CD244: variants seen among roughly 807,000 people sequenced by gnomAD.
The protein encoded by CD244 is CD244 molecule.
Under a neutral mutation model 45.5 loss-of-function variants are expected in CD244, and 20 were observed. That is an observed-to-expected ratio of 0.44 (90% CI 0.31 to 0.64). CD244 has a LOEUF of 0.64. Among genes scored for constraint, CD244 ranks in the 30% least tolerant of loss-of-function variants. CD244 has a pLI of 0.08. For missense variants in CD244, 407 were observed against 426.9 expected (o/e 0.95, Z 0.41); for synonymous variants, 185 against 160.5 (o/e 1.15, Z -1.15).
intron 5 of CD244, among the ~76,000 whole-genome samples, chr1:160,836,860 G>A (rs1239984554): frequency 6.6e-6 from 1 of 152,160 alleles, no homozygotes; most frequent in Non-Finnish European, 1.5e-5. Context: ...GTTCTACTGG[G>A]AGCCAGTGGA....
chr1:160,847,962 G>A (rs938672186), intron 1 of CD244: 22 of 211,162 alleles, frequency 1.0e-4, no homozygotes, highest in Non-Finnish European at 1.7e-4. Context: ...GTATATACCT[G>A]GTGCTTTGGA....
At chr1:160,847,148 AGTAG>A (rs1669765724) in intron 1 of CD244, among the ~76,000 whole-genome samples, 2 of 152,142 alleles carry the variant, frequency 1.3e-5, no homozygotes, top group South Asian at 2.1e-4. Context: ...GAACCAATTA[AGTAG>A]GAATAAACAA....
chr1:160,839,337 T>C (rs1669452246), intron 3 of CD244, among the ~76,000 whole-genome samples: 1 of 152,232 alleles, frequency 6.6e-6, no homozygotes, highest in South Asian at 2.1e-4. Flanking sequence ...ATCTTATTTT[T>C]GGAAGATGCC....
In CD244 at chr1:160,841,455, T is replaced by G; in HGVS notation, c.410A>C (p.Gln137Pro). The G allele has an allele frequency of 6.2e-7, 1 of 1,614,092 alleles. No homozygotes were observed. Among genetic ancestry groups the G allele is most frequent in the Non-Finnish European group, 8.5e-7 (1 of 1,180,002 alleles). The change falls in exon 3 of 9, where the codon CAG becomes CCG. Residue 137 changes from glutamine to proline, a missense_variant. Coordinates refer to ENST00000368034, the MANE Select transcript of CD244 (RefSeq NM_016382.4). ...TCTCCCTCTGTCCAGGATCTTCCCC[T>G]GCCCCTGTAGGCGGGGTTTCTCAAC... ...DKVEKPRLQG[Q>P]GKILDRGRCQ...
chr1:160,832,477 T>C, intron 8 of CD244, 42 bp downstream of exon 8: 2 of 1,234,800 alleles, frequency 1.6e-6, no homozygotes, highest in Non-Finnish European at 2.3e-6. Flanking sequence ...TTCAGGGCTA[T>C]GCAACAGACA....
chr1:160,842,826 G>T (rs1459927916), intron 1 of CD244, among the ~76,000 whole-genome samples: 6 of 152,182 alleles, frequency 3.9e-5, no homozygotes, highest in Non-Finnish European at 8.8e-5. Flanking sequence ...GAATATGGGG[G>T]TGTGACAACC....
intron 1 of CD244, among the ~76,000 whole-genome samples, chr1:160,845,538 G>A (rs1034374357): frequency 2.0e-5 from 3 of 152,178 alleles, no homozygotes; most frequent in African/African-American, 7.2e-5. Flanking sequence ...TGTAAAATGT[G>A]TTACAAACCC....
At chr1:160,846,369 G>T (rs372641572) in intron 1 of CD244, among the ~76,000 whole-genome samples, 1 of 152,048 alleles carries the variant, frequency 6.6e-6, no homozygotes. Flanking sequence ...CTAGAATTTC[G>T]GTACTTCAAA....
At chr1:160,842,924 T>G (rs1669595628) in intron 1 of CD244, among the ~76,000 whole-genome samples, 1 of 152,206 alleles carries the variant, frequency 6.6e-6, no homozygotes, top group Non-Finnish European at 1.5e-5. Flanking sequence ...GCCCAGCAGG[T>G]GCAGGAAATT....
In CD244 at chr1:160,836,642, A is replaced by G. The variant is rs1006756694; in HGVS notation, c.835-388T>C. On this transcript the variant is annotated intron_variant, in intron 5 of 8. Coordinates refer to ENST00000368034, the MANE Select transcript of CD244 (RefSeq NM_016382.4). The stretch of plus-strand genomic sequence containing the variant: ...ACATTTCAAAGACCAAACACAGTTA[A>G]GCCCTCTCTAGATCATCTTTGAGGC... Among the ~76,000 whole-genome samples, 3 of 152,348 alleles carry G rather than the reference A, an allele frequency of 2.0e-5. No homozygotes were observed. The South Asian group carries it at 6.2e-4, about 32-fold the overall frequency.
At chr1:160,848,989 C>A (rs1669828677) in intron 1 of CD244, among the ~76,000 whole-genome samples, 2 of 152,158 alleles carry the variant, frequency 1.3e-5, no homozygotes, top group African/African-American at 2.4e-5. Flanking sequence ...GTTCTGGAGG[C>A]CCAGACTTAG....
At chr1:160,838,188 C>T (rs990013030) in intron 5 of CD244, among the ~76,000 whole-genome samples, 1 of 152,194 alleles carries the variant, frequency 6.6e-6, no homozygotes, top group Non-Finnish European at 1.5e-5. Flanking sequence ...TTCTGTTGTG[C>T]TCCATCCCTT....
chr1:160,853,402 A>T (rs1669988131), intron 1 of CD244, among the ~76,000 whole-genome samples: 1 of 152,180 alleles, frequency 6.6e-6, no homozygotes, highest in African/African-American at 2.4e-5. Context: ...AAAAGGAATG[A>T]CTGGGTGCTA....
chr1:160,848,218 T>C, intron 1 of CD244: 1 of 544,910 alleles, frequency 1.8e-6, no homozygotes, highest in Non-Finnish European at 3.6e-6. Flanking sequence ...TCACACACCA[T>C]AATGGCACTG....
chr1:160,857,101 G>A (rs1670136180), intron 1 of CD244, among the ~76,000 whole-genome samples: 1 of 152,186 alleles, frequency 6.6e-6, no homozygotes, highest in Non-Finnish European at 1.5e-5. Context: ...AGAAATCACA[G>A]AGCTGTAATT....
intron 5 of CD244, among the ~76,000 whole-genome samples, chr1:160,837,532 T>C (rs1474871175): frequency 6.6e-6 from 1 of 152,176 alleles, no homozygotes; most frequent in Non-Finnish European, 1.5e-5. Context: ...GGGGAGCTGC[T>C]CTAACAGCCT....
chr1:160,836,876 C>G (rs1039575677), intron 5 of CD244, among the ~76,000 whole-genome samples: 1 of 152,166 alleles, frequency 6.6e-6, no homozygotes, highest in Non-Finnish European at 1.5e-5. Flanking sequence ...GTGGAGGCAG[C>G]AGGGTTCATT....
chr1:160,852,510 C>T (rs187455933), intron 1 of CD244, among the ~76,000 whole-genome samples: 2 of 152,094 alleles, frequency 1.3e-5, no homozygotes, highest in African/African-American at 4.8e-5. Context: ...GATCACGCCA[C>T]TGTACTCCAG....
chr1:160,831,781 C>T (rs933745285), intron 8 of CD244, among the ~76,000 whole-genome samples: 17 of 152,132 alleles, frequency 1.1e-4, no homozygotes, highest in African/African-American at 4.1e-4. Context: ...TCCCTTCTGA[C>T]CAATGGCAGC....
Sources: allele counts gnomAD v4.1 joint callset (sites outside exome capture counted in the v4.1 genomes callset), GRCh38; gene constraint gnomAD v4.1.1; transcripts MANE v1.5; gene names NCBI Gene and HGNC (gene_info 2026-07-23, HGNC 2026-07-21).